Variants in STOX1 observed in about 807,000 individuals in gnomAD.
STOX1 encodes storkhead-box protein 1.
In STOX1, 57 loss-of-function variants were observed where a neutral mutation model predicts 74.8. That is an observed-to-expected ratio of 0.76 (90% CI 0.62 to 0.95). The LOEUF is 0.95. Among genes scored for constraint, STOX1 ranks in the 40% least tolerant of loss-of-function variants. The probability of loss-of-function intolerance (pLI) is 0.00; values close to 1 mark genes in which losing one functional copy is unlikely to be tolerated. For synonymous variants in STOX1, 375 were observed against 401.3 expected, an observed-to-expected ratio of 0.93 and a Z score of 0.78; for missense variants, 1,010 against 1,117.0, an observed-to-expected ratio of 0.90 and a Z score of 1.37.
chr10:68,845,271 A>AT (rs999265975), intron 1 of STOX1, among the ~76,000 whole-genome samples: 22,070 of 121,906 alleles, frequency 0.18, 2,346 homozygotes, highest in South Asian at 0.29. Flanking sequence ...CAGCTGGCTA[A>AT]TTTTTTTTTT....
chr10:68,837,038 G>A (rs1839574326), intron 1 of STOX1, among the ~76,000 whole-genome samples: 3 of 152,184 alleles, frequency 2.0e-5, no homozygotes, highest in Admixed American at 6.6e-5. Flanking sequence ...TGTTAGGTAT[G>A]CATTGAGCAT....
intron 1 of STOX1, among the ~76,000 whole-genome samples, chr10:68,842,213 T>C (rs1839708289): frequency 6.6e-6 from 1 of 151,936 alleles, no homozygotes; most frequent in South Asian, 2.1e-4. Context: ...ACAGTGGAGG[T>C]TTCAGGAAGG....
At chr10:68,836,560 T>A (rs777933369) in intron 1 of STOX1, among the ~76,000 whole-genome samples, 9 of 152,298 alleles carry the variant, frequency 5.9e-5, no homozygotes, top group Middle Eastern at 3.4e-3. Flanking sequence ...TCCACAGCCG[T>A]GTGTTGTCCT....
At chr10:68,893,307 C>T (rs971570012), downstream of STOX1, among the ~76,000 whole-genome samples, 2 of 152,224 alleles carry the variant, frequency 1.3e-5, no homozygotes, top group African/African-American at 4.8e-5. Flanking sequence ...CCAGGGGCTT[C>T]TCTTTGACCA....
In STOX1 at chr10:68,885,287, C is replaced by T; in HGVS notation, c.1491C>T (p.Phe497=). 6.2e-7 allele frequency: 1 copy of T among 1,614,198 alleles called. No individual in the cohort carries two copies. The highest frequency in any genetic ancestry group is 8.5e-7 in the Non-Finnish European group (1 of 1,180,046). The change falls in exon 3 of 4, where the codon TTC becomes TTT. Residue 497 remains phenylalanine (F), a synonymous_variant. Transcript: ENST00000298596. Reference sequence around the variant, plus strand: ...ACAAAAAGCGAATCAGTAATCCTTTCCAGGGTTTGTCTCACCGAGGAAGCA... The same window carrying T: ...ACAAAAAGCGAATCAGTAATCCTTTTCAGGGTTTGTCTCACCGAGGAAGCA... ...LIYKKRISNP[F]QGLSHRGSTI... is the part of the protein sequence containing the mutation.
At chr10:68,850,927 G>A (rs1265717335) in intron 1 of STOX1, among the ~76,000 whole-genome samples, 6 of 151,886 alleles carry the variant, frequency 4.0e-5, no homozygotes, top group African/African-American at 7.3e-5. Flanking sequence ...AGCCGAGATC[G>A]AGCCACTGCA....
chr10:68,854,765 A>G (rs1840079371), intron 1 of STOX1, among the ~76,000 whole-genome samples: 1 of 152,102 alleles, frequency 6.6e-6, no homozygotes, highest in African/African-American at 2.4e-5. Context: ...TTTCATATGC[A>G]TGACCCCAGA....
intron 1 of STOX1, among the ~76,000 whole-genome samples, chr10:68,832,789 A>T (rs1839444440): frequency 2.0e-5 from 3 of 151,884 alleles, no homozygotes. Flanking sequence ...TTTGAGACAG[A>T]GTCTTGCTCT....
At chr10:68,887,203 A>T (rs1049771191) in intron 3 of STOX1, among the ~76,000 whole-genome samples, 1 of 152,218 alleles carries the variant, frequency 6.6e-6, no homozygotes, top group African/African-American at 2.4e-5. Context: ...TAAGCCAAGC[A>T]CTTTCTGAAC....
At chr10:68,880,848 C>T (rs1304046252) in intron 1 of STOX1, among the ~76,000 whole-genome samples, 6 of 152,010 alleles carry the variant, frequency 3.9e-5, no homozygotes, top group South Asian at 2.1e-4. Flanking sequence ...AGCCCGCCAC[C>T]GTGTCCGGCT....
At chr10:68,864,463 CTATT>C (rs1261951164) in intron 1 of STOX1, among the ~76,000 whole-genome samples, 12 of 152,150 alleles carry the variant, frequency 7.9e-5, no homozygotes, top group Admixed American at 5.2e-4. Context: ...CCAAGTAAGA[CTATT>C]TATAAAAGCT....
At position 68,870,815 on chromosome 10, in the gene STOX1, C is replaced by T. The variant is rs529215718; in HGVS notation, c.311-11143C>T. On this transcript the variant is annotated intron_variant, in intron 1 of 3. Transcript: ENST00000298596. The stretch of plus-strand genomic sequence containing the variant: ...GAAATAGTGACTGCCGTCCTCAGTC[C>T]TACAACCATAAGGAACTGATATCTG... Among the ~76,000 whole-genome samples the T allele has an allele frequency of 6.6e-5, 10 of 152,270 alleles. No homozygotes were observed. In the East Asian group the frequency reaches 1.9e-3, roughly 29 times the overall value.
At chr10:68,893,323 G>T (rs1034419321), downstream of STOX1, among the ~76,000 whole-genome samples, 3 of 152,200 alleles carry the variant, frequency 2.0e-5, no homozygotes, top group African/African-American at 7.2e-5. Context: ...GACCAGCTTG[G>T]ACATGAACAA....
chr10:68,861,254 A>C (rs565801778), intron 1 of STOX1, among the ~76,000 whole-genome samples: 2 of 152,156 alleles, frequency 1.3e-5, no homozygotes, highest in Non-Finnish European at 2.9e-5. Flanking sequence ...CAGTAAGCCC[A>C]TGATAAACAT....
intron 1 of STOX1, among the ~76,000 whole-genome samples, chr10:68,864,913 C>G (rs573663759): frequency 2.8e-3 from 424 of 152,264 alleles, no homozygotes; most frequent in African/African-American, 9.5e-3. Context: ...GAAAGTCATT[C>G]AATGTTTTTA....
intron 3 of STOX1, among the ~76,000 whole-genome samples, chr10:68,891,529 C>T (rs1278648841): frequency 2.0e-5 from 3 of 152,084 alleles, no homozygotes; most frequent in South Asian, 4.1e-4. Context: ...ATAGGCTGGA[C>T]GCAGTGGCTC....
downstream of STOX1, among the ~76,000 whole-genome samples, chr10:68,894,561 A>G (rs550242492): frequency 1.5e-4 from 23 of 152,260 alleles, no homozygotes; most frequent in Admixed American, 5.2e-4. Context: ...TAGAAGATTA[A>G]TTGTTGTCAA....
intron 1 of STOX1, among the ~76,000 whole-genome samples, chr10:68,854,102 T>G (rs1228648200): frequency 6.6e-6 from 1 of 151,980 alleles, no homozygotes; most frequent in Non-Finnish European, 1.5e-5. Context: ...TTCAAGTGAT[T>G]CCCCTGTCTC....
intron 1 of STOX1, among the ~76,000 whole-genome samples, chr10:68,858,220 A>G (rs1840173805): frequency 6.6e-6 from 1 of 152,136 alleles, no homozygotes; most frequent in Non-Finnish European, 1.5e-5. Flanking sequence ...CTTAGTGTGA[A>G]GAAGGTGGCC....
Sources: gnomAD v4.1 joint callset for allele counts (sites outside exome capture counted in the v4.1 genomes callset) on GRCh38, gnomAD v4.1.1 for gene constraint, MANE v1.5 for transcripts, NCBI Gene and HGNC (gene_info 2026-07-23, HGNC 2026-07-21) for gene names.